GRIN2A: variants seen among roughly 807,000 people sequenced by gnomAD.
The protein encoded by GRIN2A is glutamate receptor ionotropic, NMDA 2A.
GRIN2A carries 22 observed loss-of-function variants against 113.4 expected under a neutral mutation model. The ratio of observed to expected loss-of-function variants is 0.19; its 90% CI spans 0.14 to 0.28. The LOEUF (loss-of-function observed/expected upper bound fraction) is 0.28. Among genes scored for constraint, GRIN2A ranks in the 10% least tolerant of loss-of-function variants. GRIN2A has a pLI of 1.00. For missense variants in GRIN2A, 1,502 were observed against 1,887.0 expected (o/e 0.80, Z 3.78); for synonymous variants, 827 against 738.4 (o/e 1.12, Z -1.94).
At chr16:10,006,944 T>C (rs1340567373) in intron 2 of GRIN2A, among the ~76,000 whole-genome samples, 2 of 152,248 alleles carry the variant, frequency 1.3e-5, no homozygotes, top group Non-Finnish European at 2.9e-5. Flanking sequence ...TTCATCCATG[T>C]TGTTGCAAAT....
intron 2 of GRIN2A, among the ~76,000 whole-genome samples, chr16:9,956,646 GA>G (rs1468572825): frequency 2.0e-5 from 3 of 152,184 alleles, no homozygotes; most frequent in Admixed American, 6.5e-5. Context: ...GATCCAGATG[GA>G]AAAGACAAAT....
intron 2 of GRIN2A, among the ~76,000 whole-genome samples, chr16:10,024,889 G>A (rs1460660417): frequency 1.3e-5 from 2 of 152,086 alleles, no homozygotes; most frequent in Admixed American, 1.3e-4. Flanking sequence ...CATTTTTTGA[G>A]CAAATAAAAT....
intron 10 of GRIN2A, among the ~76,000 whole-genome samples, chr16:9,800,864 A>C (rs951243168): frequency 1.3e-5 from 2 of 152,220 alleles, no homozygotes; most frequent in African/African-American, 2.4e-5. Flanking sequence ...AACAGCCAGC[A>C]ATAGTGAGAC....
chr16:10,111,495 C>A, intron 2 of GRIN2A: 1 of 685,098 alleles, frequency 1.5e-6, no homozygotes, highest in Non-Finnish European at 2.7e-6. Context: ...TCCTGATTCT[C>A]CCATGGTTCA....
At chr16:10,066,993 C>T (rs72772397) in intron 2 of GRIN2A, among the ~76,000 whole-genome samples, 13,830 of 152,200 alleles carry the variant, frequency 0.091, 708 homozygotes, top group Non-Finnish European at 0.11. Context: ...AGCACACTCC[C>T]TAGCTCACGA....
At chr16:9,954,196 T>C (rs2045251865) in intron 2 of GRIN2A, among the ~76,000 whole-genome samples, 1 of 152,204 alleles carries the variant, frequency 6.6e-6, no homozygotes, top group Admixed American at 6.5e-5. Flanking sequence ...TCCAAAATCA[T>C]GCTTGCGATA....
chr16:9,766,282 G>A (rs1596379440), intron 12 of GRIN2A, among the ~76,000 whole-genome samples: 2 of 152,152 alleles, frequency 1.3e-5, no homozygotes, highest in East Asian at 3.9e-4. Flanking sequence ...TGGCTCCATC[G>A]GTCCCCCATG....
At chr16:9,875,585 G>A (rs2043348237) in intron 4 of GRIN2A, among the ~76,000 whole-genome samples, 1 of 152,192 alleles carries the variant, frequency 6.6e-6, no homozygotes, top group African/African-American at 2.4e-5. Flanking sequence ...GCAGGCAAAT[G>A]GGGAAATAAT....
intron 2 of GRIN2A, among the ~76,000 whole-genome samples, chr16:10,007,093 T>C (rs988624201): frequency 2.0e-5 from 3 of 152,228 alleles, no homozygotes; most frequent in Admixed American, 1.3e-4. Context: ...GTAATAAACA[T>C]GGGAGTGCAG....
chr16:9,768,870 A>G lies in GRIN2A; in HGVS notation c.2576T>C (p.Leu859Ser). 6.2e-7 allele frequency: 1 copy of G among 1,614,008 alleles called. No individual in the cohort carries two copies. The highest frequency in any genetic ancestry group is 8.5e-7 in the Non-Finnish European group (1 of 1,179,856). Residue 859 changes from leucine to serine, a missense_variant, in exon 12 of 13, where the codon TTG (leucine) becomes TCG (serine). Physicochemically the swap from Leu to Ser is moderately radical, Grantham distance 145. This residue lies in a region of GRIN2A where 832 missense variants were observed against 789.7 expected (regional missense o/e 1.05). Transcript: ENST00000330684. ...FTGVCSDRPGLLFSISRGIYS... is the reference protein window; with the variant it reads ...FTGVCSDRPGSLFSISRGIYS... ...ACTGACCCTGCTGATGGAGAAGAGC[A>G]ACCCAGGCCGGTCGGAGCACACGCC... is the stretch of plus-strand genomic sequence containing the variant.
rs146490391 is a variant in GRIN2A, at chr16:9,951,748, T to C, written c.415-13197A>G. On this transcript the variant is annotated intron_variant, in intron 2 of 12. Transcript: ENST00000330684. ...GTCAGCCTCTGAAAAGTGTCCAAAT[T>C]ACTATTTGAAAGGAGAAAAACACAA... Among the ~76,000 whole-genome samples, 23 of 152,296 alleles carry C rather than the reference T, an allele frequency of 1.5e-4. No individual in the cohort carries two copies. In the East Asian group the frequency reaches 3.9e-3, roughly 26 times the overall value.
intron 4 of GRIN2A, among the ~76,000 whole-genome samples, chr16:9,858,913 T>C (rs1333190110): frequency 6.6e-6 from 1 of 152,228 alleles, no homozygotes. Context: ...GAGTGTTTTA[T>C]CTTATTTGAT....
At chr16:9,821,464 T>A (rs748759992) in intron 10 of GRIN2A, among the ~76,000 whole-genome samples, 22 of 152,062 alleles carry the variant, frequency 1.4e-4, no homozygotes, top group Non-Finnish European at 2.8e-4. Flanking sequence ...AGGACAGACG[T>A]CTCCATTGTC....
intron 2 of GRIN2A, among the ~76,000 whole-genome samples, chr16:10,034,761 G>C (rs2046994683): frequency 6.6e-6 from 1 of 152,000 alleles, no homozygotes; most frequent in South Asian, 2.1e-4. Context: ...CCTGACATTG[G>C]TGTGACCCCT....
rs1900622758 is a variant in GRIN2A, at chr16:9,762,370, T to TA, written c.*778dup. On this transcript the variant is annotated 3_prime_UTR_variant, in exon 13 of 13. Transcript: ENST00000330684. ...TCTCGGAGACATAAATGTGTTAGTT[T>TA]ATGCAGCTCTGAACAAGACCATCGA... 1 of 226,614 alleles carries TA rather than the reference T, an allele frequency of 4.4e-6. No homozygotes were observed. Among genetic ancestry groups the TA allele is most frequent in the Admixed American group, 5.7e-5 (1 of 17,534 alleles). 14.0% of individuals were successfully genotyped at this position (226,614 alleles called of 1,614,324 possible). A position where few individuals can be genotyped will look rare whatever the true frequency, so the allele number is the denominator to read the frequency against.
In GRIN2A at chr16:9,938,464, G is replaced by T. The variant is rs1266794502; in HGVS notation, c.502C>A (p.His168Asn). The T allele has an allele frequency of 1.2e-5, 20 of 1,613,686 alleles. No homozygotes were observed. Among genetic ancestry groups the T allele is most frequent in the Non-Finnish European group, 1.7e-5 (20 of 1,179,928 alleles). Residue 168 changes from histidine (H) to asparagine (N), a missense_variant, in exon 3 of 13, where the codon CAT becomes AAT. Transcript: ENST00000330684. Reference protein sequence around the residue: ...MLKIMQDYDWHVFSLVTTIFP... With the variant: ...MLKIMQDYDWNVFSLVTTIFP... ...ATAGTGGTCACCAGGGAGAAGACAT[G>T]CCAGTCATAATCCTGCATGATCTTC...
intron 11 of GRIN2A, among the ~76,000 whole-genome samples, chr16:9,782,014 TAAAGA>T (rs1336546375): frequency 6.6e-6 from 1 of 152,132 alleles, no homozygotes; most frequent in African/African-American, 2.4e-5. Flanking sequence ...TAATTATAAT[TAAAGA>T]AATGTGTCTG....
intron 2 of GRIN2A, among the ~76,000 whole-genome samples, chr16:10,157,531 G>C (rs2142313624): frequency 6.6e-6 from 1 of 152,328 alleles, no homozygotes. Flanking sequence ...CATGGCTGGG[G>C]AGGCCTCAGA....
rs376171850 is a variant in GRIN2A, at chr16:10,027,299, G to C, written c.415-88748C>G. The stretch of plus-strand genomic sequence containing the variant: ...GCTCAGAGAGAACAGACTTTTCCAA[G>C]CTCTCACAGCAAAGTTTAGCATCTC... On this transcript the variant is annotated intron_variant, in intron 2 of 12. Coordinates refer to ENST00000330684, the MANE Select transcript of GRIN2A (RefSeq NM_001134407.3). 5.9e-5 allele frequency among the ~76,000 whole-genome samples: 9 copies of C among 152,298 alleles called. No individual in the cohort carries two copies. In the South Asian group the frequency reaches 1.5e-3, roughly 25 times the overall value.
Sources: gnomAD v4.1 joint callset for allele counts (sites outside exome capture counted in the v4.1 genomes callset) on GRCh38, gnomAD v4.1.1 for gene constraint, gnomAD v4.1.1 regional missense constraint, MANE v1.5 for transcripts, NCBI Gene and HGNC (gene_info 2026-07-23, HGNC 2026-07-21) for gene names.